The following ATP8A1 variants were observed in gnomAD, a reference collection of about 807,000 sequenced individuals.
ATP8A1 encodes the protein phospholipid-transporting ATPase IA.
Under a neutral mutation model 177.7 loss-of-function variants are expected in ATP8A1, and 90 were observed. That is an observed-to-expected ratio of 0.51 (90% CI 0.43 to 0.60). ATP8A1 has a LOEUF of 0.60. ATP8A1 is among the 20% of genes least tolerant of loss of function. The pLI, the probability that ATP8A1 is intolerant of heterozygous loss-of-function variation, is 0.00. For synonymous variants in ATP8A1, 493 were observed against 485.9 expected, an observed-to-expected ratio of 1.01 and a Z score of -0.19; for missense variants, 1,072 against 1,392.8, an observed-to-expected ratio of 0.77 and a Z score of 3.67.
Position 42,526,562 on chromosome 4 carries a change from G to A in ATP8A1, c.1723-1715C>T, listed in dbSNP as rs959224500. 5.3e-5 allele frequency among the ~76,000 whole-genome samples: 8 copies of A among 152,194 alleles called. No homozygotes were observed. In the South Asian group the frequency reaches 1.2e-3, roughly 24 times the overall value. ...TGGCAAGACTGGCCTAGCCTCTCCCGTGCTGGATGCTTCCTGTCCTTGAAC... is the reference window on the plus strand; with the variant it reads ...TGGCAAGACTGGCCTAGCCTCTCCCATGCTGGATGCTTCCTGTCCTTGAAC... On this transcript the variant is annotated intron_variant, in intron 20 of 36. Coordinates refer to ENST00000381668, the MANE Select transcript of ATP8A1 (RefSeq NM_006095.2).
intron 1 of ATP8A1, among the ~76,000 whole-genome samples, chr4:42,635,970 A>G (rs1406900687): frequency 6.6e-6 from 1 of 151,436 alleles, no homozygotes; most frequent in Non-Finnish European, 1.5e-5. Context: ...CAGCCTTTTC[A>G]TCTCTCCAGA....
In ATP8A1 at chr4:42,413,028, TA is replaced by T. The variant is rs1712801326; in HGVS notation, c.3398-16del. ...CGCATACCCATCTGTAGGTTAATGA[TA>T]AAACAGAAATTCTCACAAAGGCACT... On this transcript the variant is annotated splice_polypyrimidine_tract_variant and intron_variant, in intron 36 of 36. Transcript: ENST00000381668. The T allele has an allele frequency of 6.2e-7, 1 of 1,608,380 alleles. No homozygotes were observed.
intron 5 of ATP8A1, among the ~76,000 whole-genome samples, chr4:42,612,754 G>C (rs78639921): frequency 0.014 from 2,110 of 151,928 alleles, 53 homozygotes; most frequent in African/African-American, 0.048. Flanking sequence ...AGTGAAAACA[G>C]GGCATCCAAT....
chr4:42,581,446 T>C (rs1018586848), intron 10 of ATP8A1, among the ~76,000 whole-genome samples, 175 bp downstream of exon 10: 1 of 152,162 alleles, frequency 6.6e-6, no homozygotes, highest in Non-Finnish European at 1.5e-5. Flanking sequence ...GCCATTCTTA[T>C]AGGGAGGTAA....
At chr4:42,546,492 T>C (rs911311302) in intron 19 of ATP8A1, among the ~76,000 whole-genome samples, 2 of 150,612 alleles carry the variant, frequency 1.3e-5, no homozygotes, top group African/African-American at 4.9e-5. Flanking sequence ...AATGACGAGT[T>C]AATGGGTGCA....
intron 7 of ATP8A1, chr4:42,588,615 T>A (rs1216208889): frequency 4.1e-6 from 1 of 241,534 alleles, no homozygotes; most frequent in Non-Finnish European, 8.0e-6. Context: ...ACATTATATT[T>A]AAATTGTTCA....
intron 32 of ATP8A1, 119 bp from the exon 33 acceptor site, chr4:42,443,791 A>G (rs901369348): frequency 1.4e-5 from 8 of 591,744 alleles, no homozygotes; most frequent in East Asian, 5.7e-5. Context: ...AATATTATCT[A>G]TAGGAGTTTC....
At chr4:42,487,782 C>T (rs1487126034) in intron 24 of ATP8A1, among the ~76,000 whole-genome samples, 1 of 152,046 alleles carries the variant, frequency 6.6e-6, no homozygotes. Flanking sequence ...TATCAGAATC[C>T]TTTTACCAAA....
At position 42,594,735 on chromosome 4, in the gene ATP8A1, C is replaced by T. The variant is rs1734557595; in HGVS notation, c.451-3851G>A. 2.0e-5 allele frequency among the ~76,000 whole-genome samples: 3 copies of T among 152,012 alleles called. No individual in the cohort carries two copies. In the South Asian group the frequency reaches 6.2e-4, roughly 32 times the overall value. On this transcript the variant is annotated intron_variant, in intron 6 of 36. Transcript: ENST00000381668. ...CTGGAGACGCTATCATATATAATTG[C>T]TCCTCACAATAACGCTTGTGAAACA...
chr4:42,423,430 T>C (rs891327155), intron 34 of ATP8A1, among the ~76,000 whole-genome samples, 187 bp downstream of exon 34: 1 of 152,226 alleles, frequency 6.6e-6, no homozygotes, highest in Non-Finnish European at 1.5e-5. Context: ...CTACCCGCTT[T>C]ACTACTCATT....
chr4:42,578,220 A>C, intron 12 of ATP8A1, 40 bp downstream of exon 12: 1 of 1,521,052 alleles, frequency 6.6e-7, no homozygotes. Flanking sequence ...TAAGGACAAA[A>C]TTATTTTGTA....
chr4:42,609,707 T>C (rs901709796), intron 5 of ATP8A1, among the ~76,000 whole-genome samples: 1 of 152,132 alleles, frequency 6.6e-6, no homozygotes, highest in African/African-American at 2.4e-5. Flanking sequence ...ATCTATCCAC[T>C]GTGTGCTTTC....
At chr4:42,514,363 G>A (rs554649272) in intron 22 of ATP8A1, among the ~76,000 whole-genome samples, 2 of 152,278 alleles carry the variant, frequency 1.3e-5, no homozygotes, top group Admixed American at 1.3e-4. Flanking sequence ...AATCTACCAC[G>A]AAGCATTCAT....
chr4:42,579,726 C>T (rs1732824535), intron 11 of ATP8A1, 87 bp downstream of exon 11: 1 of 1,220,456 alleles, frequency 8.2e-7, no homozygotes, highest in Admixed American at 2.4e-5. Context: ...TTTTTAGAAA[C>T]AATACGAAAT....
At chr4:42,523,672 C>A (rs1032804490) in intron 21 of ATP8A1, among the ~76,000 whole-genome samples, 1 of 152,114 alleles carries the variant, frequency 6.6e-6, no homozygotes, top group African/African-American at 2.4e-5. Flanking sequence ...AGTTGAGTAT[C>A]TTTAACATCA....
intron 25 of ATP8A1, among the ~76,000 whole-genome samples, chr4:42,469,811 T>C (rs962442717): frequency 6.6e-6 from 1 of 151,812 alleles, no homozygotes; most frequent in Non-Finnish European, 1.5e-5. Context: ...ATTTACTTTC[T>C]TGATTGTCAG....
chr4:42,606,260 G>C (rs145806870), intron 5 of ATP8A1, among the ~76,000 whole-genome samples: 1 of 152,190 alleles, frequency 6.6e-6, no homozygotes, highest in South Asian at 2.1e-4. Context: ...GCAGGAAAAT[G>C]AAAGACCAGA....
At chr4:42,588,574 T>C (rs965538450) in intron 7 of ATP8A1, 1 of 383,638 alleles carries the variant, frequency 2.6e-6, no homozygotes, top group African/African-American at 2.1e-5. Context: ...TCAGTAATGG[T>C]CTTCAAGATA....
rs1203478317 is a variant in ATP8A1 at position 42,569,199 on chromosome 4, G to C, written c.1302C>G (p.Val434=). The change falls in exon 15 of 37, where the codon GTC becomes GTG. Residue 434 remains valine, a synonymous_variant. Transcript: ENST00000381668. ...CTIAGVAYGH[V]PEPEDYGCSP... ...AGCAGCCATAATCCTCAGGTTCAGG[G>C]ACATGGCTTCAGAAAGCAAGAAGAG... 1.9e-6 allele frequency: 3 copies of C among 1,606,624 alleles called. No individual in the cohort carries two copies. In the African/African-American group the frequency reaches 4.0e-5, roughly 22 times the overall value.
Sources: gnomAD v4.1 joint callset for allele counts (sites outside exome capture counted in the v4.1 genomes callset) on GRCh38, gnomAD v4.1.1 for gene constraint, MANE v1.5 for transcripts, NCBI Gene and HGNC (gene_info 2026-07-23, HGNC 2026-07-21) for gene names.